The following HELZ2 variants were observed in gnomAD, a reference collection of about 807,000 sequenced individuals.
HELZ2 encodes the protein helicase with zinc finger 2.
A neutral mutation model predicts 208.8 loss-of-function variants in HELZ2; 143 were observed. The observed-to-expected ratio is 0.68, with a 90% CI of 0.60 to 0.79. The LOEUF (loss-of-function observed/expected upper bound fraction) is 0.79, where lower values mean the gene tolerates loss of function less well. Among genes scored for constraint, HELZ2 ranks in the 30% least tolerant of loss-of-function variants. HELZ2 has a pLI of 0.00. For missense variants in HELZ2, 3,690 were observed against 3,794.5 expected, an observed-to-expected ratio of 0.97 and a Z score of 0.72; for synonymous variants, 1,705 against 1,693.7, an observed-to-expected ratio of 1.01 and a Z score of -0.16.
intron 3 of HELZ2, 100 bp downstream of exon 4, chr20:63,570,404 C>T (rs376723520): frequency 2.0e-5 from 19 of 945,164 alleles, no homozygotes; most frequent in East Asian, 2.6e-5. Flanking sequence ...GGCAGTGCCT[C>T]GGTATTAGCT....
exon 8 of HELZ2, chr20:63,563,454 C>T (rs1297329194): frequency 2.0e-6 from 3 of 1,525,298 alleles, no homozygotes; most frequent in Non-Finnish European, 2.6e-6. Flanking sequence ...AGCCGCAGGC[C>T]CGGCCGGCCT....
chr20:63,563,811 C>T (rs1318727498), exon 8 of HELZ2: 1 of 1,600,338 alleles, frequency 6.2e-7, no homozygotes, highest in Non-Finnish European at 8.5e-7. Context: ...GGCGAGGTGG[C>T]CCACGTGTAC....
At position 63,561,344 on chromosome 20, in the gene HELZ2, A is replaced by G. The variant is rs977456010; in HGVS notation, c.6953+6T>C. ...GCAGCTCCACCCCCTGGCCCCTGCC[A>G]CTTACCAGACCAGGTCCTCCCTGGA... On this transcript the variant is annotated splice_donor_region_variant and intron_variant, in intron 13 of 18. Coordinates refer to ENST00000467148, the Ensembl canonical transcript of HELZ2. 2.5e-6 allele frequency: 4 copies of G among 1,612,850 alleles called. No homozygotes were observed. Among genetic ancestry groups the G allele is most frequent in the Non-Finnish European group, 3.4e-6 (4 of 1,179,902 alleles).
chr20:63,570,732 C>T, exon 2 of HELZ2: 2 of 1,607,872 alleles, frequency 1.2e-6, no homozygotes, highest in African/African-American at 1.3e-5. Flanking sequence ...AGCAGCCGCT[C>T]CTGGTAGGGC....
exon 8 of HELZ2, chr20:63,566,083 C>T (rs542119964): frequency 8.8e-6 from 14 of 1,586,218 alleles, no homozygotes; most frequent in Non-Finnish European, 1.1e-5. Context: ...CCACGGCGTC[C>T]CCCACTACCA....
exon 14 of HELZ2, chr20:63,561,166 C>T: frequency 6.2e-7 from 1 of 1,613,106 alleles, no homozygotes; most frequent in Non-Finnish European, 8.5e-7. Flanking sequence ...GGATCTGCCT[C>T]ACGTCCAGGA....
chr20:63,564,420 G>A (rs1000568893), exon 8 of HELZ2: 10 of 1,547,966 alleles, frequency 6.5e-6, no homozygotes, highest in Non-Finnish European at 8.7e-6. Context: ...GCACCCGGGT[G>A]CTGCCTGATC....
At chr20:63,560,014 C>A in exon 18 of HELZ2, 1 of 1,612,262 alleles carries the variant, frequency 6.2e-7, no homozygotes, top group Non-Finnish European at 8.5e-7. Flanking sequence ...CTTCTTGAGC[C>A]AGCTCTTGGT....
chr20:63,565,246 C>G, exon 8 of HELZ2: 1 of 1,607,652 alleles, frequency 6.2e-7, no homozygotes, highest in Non-Finnish European at 8.5e-7. Flanking sequence ...TCAGCACGCC[C>G]AGCACGCGGC....
chr20:63,562,685 C>A, exon 8 of HELZ2: 1 of 1,598,814 alleles, frequency 6.3e-7, no homozygotes, highest in South Asian at 1.1e-5. Context: ...CTGCGTCTGC[C>A]CGTGGGCCAC....
At chr20:63,568,559 G>A (rs1569036681) in exon 5 of HELZ2, 1 of 1,587,016 alleles carries the variant, frequency 6.3e-7, no homozygotes, top group South Asian at 1.1e-5. Context: ...CCGCAAGGGT[G>A]GGACAGACCA....
exon 8 of HELZ2, chr20:63,565,443 C>G (rs750349420): frequency 6.2e-7 from 1 of 1,609,804 alleles, no homozygotes; most frequent in Non-Finnish European, 8.5e-7. Flanking sequence ...CGGTACCGCT[C>G]GGGCTCCGCG....
At chr20:63,571,936 C>T (rs1243307660) in intron 1 of HELZ2, 172 bp downstream of exon 2, 2 of 589,592 alleles carry the variant, frequency 3.4e-6, no homozygotes, top group Non-Finnish European at 2.8e-6. Flanking sequence ...CTCCAAGCTC[C>T]TGGGAGCCTC....
upstream of HELZ2, chr20:63,573,363 G>C (rs1348699858): frequency 1.3e-5 from 2 of 152,316 alleles, no homozygotes; most frequent in African/African-American, 4.8e-5. The surrounding 1 kb of genome is among the most constrained non-coding windows in gnomAD (Gnocchi z 4.9). Flanking sequence ...ACCAAGCAAG[G>C]AGTTGGGACT....
At chr20:63,565,018 T>A (rs1490390089) in exon 8 of HELZ2, 2 of 1,588,418 alleles carry the variant, frequency 1.3e-6, no homozygotes, top group Non-Finnish European at 1.7e-6. Context: ...ACAGGACAAT[T>A]TGGACCCAGA....
At chr20:63,561,300 C>T in intron 13 of HELZ2, 26 bp from the exon 15 acceptor site, 1 of 1,612,420 alleles carries the variant, frequency 6.2e-7, no homozygotes. Context: ...CTTGTCACCC[C>T]AGGGCCCCCA....
intron 3 of HELZ2, 37 bp from the exon 5 acceptor site, chr20:63,569,702 C>A (rs1365749711): frequency 1.4e-6 from 2 of 1,475,788 alleles, no homozygotes; most frequent in Non-Finnish European, 9.0e-7. Flanking sequence ...GGGCCCAGGG[C>A]TCCCCCCAAC....
exon 10 of HELZ2, chr20:63,562,098 G>A: frequency 6.2e-7 from 1 of 1,609,892 alleles, no homozygotes; most frequent in Non-Finnish European, 8.5e-7. Context: ...GACCGTGAAA[G>A]GCTTCTCCAG....
At chr20:63,565,079 T>C (rs1158982671) in exon 8 of HELZ2, 1 of 1,562,458 alleles carries the variant, frequency 6.4e-7, no homozygotes, top group East Asian at 2.4e-5. Context: ...CCCCACACGC[T>C]GCAGCCGGCC....
Sources: allele counts gnomAD v4.1 joint callset, GRCh38; gene constraint gnomAD v4.1.1; non-coding constraint Gnocchi (gnomAD v3.1); transcripts MANE v1.5; gene names NCBI Gene and HGNC (gene_info 2026-07-23, HGNC 2026-07-21).